The following MAGI2 variants were observed in gnomAD, a reference collection of about 807,000 sequenced individuals.
The protein encoded by MAGI2 is membrane-associated guanylate kinase, WW and PDZ domain-containing protein 2.
Under a neutral mutation model 133.3 loss-of-function variants are expected in MAGI2, and 35 were observed. The observed-to-expected ratio is 0.26, with a 90% CI of 0.20 to 0.35. The LOEUF (loss-of-function observed/expected upper bound fraction) is 0.35. Ranked by LOEUF, MAGI2 falls within the 10% of genes least tolerant of loss-of-function variation. The pLI, the probability that MAGI2 is intolerant of heterozygous loss-of-function variation, is 1.00. For synonymous variants in MAGI2, 729 were observed against 710.6 expected, an observed-to-expected ratio of 1.03 and a Z score of -0.41; for missense variants, 1,636 against 1,863.4, an observed-to-expected ratio of 0.88 and a Z score of 2.25.
chr7:78,510,064 C>T (rs1795436321), intron 4 of MAGI2, among the ~76,000 whole-genome samples: 1 of 152,032 alleles, frequency 6.6e-6, no homozygotes, highest in Admixed American at 6.6e-5. Context: ...GGCTGGAAAA[C>T]ATTTAAGCTG....
chr7:78,581,103 A>G (rs2150809548), intron 3 of MAGI2, among the ~76,000 whole-genome samples: 1 of 152,332 alleles, frequency 6.6e-6, no homozygotes, highest in South Asian at 2.1e-4. Context: ...ATGTAATTAT[A>G]CCATTTGAAA....
At chr7:78,454,287 C>G (rs140081833) in intron 6 of MAGI2, among the ~76,000 whole-genome samples, 105 of 152,288 alleles carry the variant, frequency 6.9e-4, no homozygotes, top group Middle Eastern at 3.4e-3. Flanking sequence ...TCCATAGACT[C>G]TACCAAGAAC....
intron 6 of MAGI2, among the ~76,000 whole-genome samples, chr7:78,379,163 G>A (rs1168470344): frequency 6.6e-6 from 1 of 151,808 alleles, no homozygotes; most frequent in East Asian, 1.9e-4. Flanking sequence ...ATAAAGTAGG[G>A]CACATAGAGA....
chr7:79,345,942 A>T (rs909831326), intron 1 of MAGI2, among the ~76,000 whole-genome samples: 2 of 152,070 alleles, frequency 1.3e-5, no homozygotes, highest in African/African-American at 4.8e-5. Context: ...AAATGTAAAA[A>T]TATTACCAAA....
intron 16 of MAGI2, among the ~76,000 whole-genome samples, chr7:78,158,974 C>T (rs1411788454): frequency 6.6e-6 from 1 of 151,962 alleles, no homozygotes; most frequent in East Asian, 1.9e-4. Context: ...GTCTGCCATC[C>T]CACCCAGGAA....
chr7:79,205,568 G>A (rs1828974939), intron 1 of MAGI2, among the ~76,000 whole-genome samples: 1 of 151,748 alleles, frequency 6.6e-6, no homozygotes, highest in Non-Finnish European at 1.5e-5. Context: ...ACTGGTAAAA[G>A]TAAGCACAAG....
intron 1 of MAGI2, among the ~76,000 whole-genome samples, chr7:79,287,910 A>G (rs1344548359): frequency 6.6e-6 from 1 of 151,946 alleles, no homozygotes; most frequent in Non-Finnish European, 1.5e-5. Context: ...CTTTTTTCTG[A>G]TTCTAGAAAT....
intron 10 of MAGI2, among the ~76,000 whole-genome samples, chr7:78,219,381 T>G (rs1788582728): frequency 6.6e-6 from 1 of 152,228 alleles, no homozygotes; most frequent in Admixed American, 6.5e-5. Context: ...ACTGTCTATC[T>G]GGACAGCTTA....
At chr7:78,430,452 A>G (rs1286451980) in intron 6 of MAGI2, among the ~76,000 whole-genome samples, 6 of 151,934 alleles carry the variant, frequency 3.9e-5, no homozygotes, top group Admixed American at 3.3e-4. Context: ...GTTAAGTAGT[A>G]TTCCAGGAAA....
chr7:78,675,508 T>C (rs1367214385), intron 2 of MAGI2, among the ~76,000 whole-genome samples: 1 of 152,082 alleles, frequency 6.6e-6, no homozygotes, highest in African/African-American at 2.4e-5. Context: ...GCTATTGGTT[T>C]GGATTGTTAC....
At chr7:79,338,845 C>CG (rs1563130590) in intron 1 of MAGI2, among the ~76,000 whole-genome samples, 3 of 152,086 alleles carry the variant, frequency 2.0e-5, no homozygotes, top group African/African-American at 7.2e-5. Flanking sequence ...TGTCAACCTA[C>CG]GGGGGGTACT....
chr7:79,298,961 G>C (rs1475203343), intron 1 of MAGI2, among the ~76,000 whole-genome samples: 1 of 152,160 alleles, frequency 6.6e-6, no homozygotes, highest in East Asian at 1.9e-4. Flanking sequence ...AAAATTGTGA[G>C]AAAATAAATT....
chr7:78,249,869 G>T (rs1003498442), intron 10 of MAGI2, among the ~76,000 whole-genome samples: 1 of 152,046 alleles, frequency 6.6e-6, no homozygotes, highest in African/African-American at 2.4e-5. Flanking sequence ...TCACCACAAA[G>T]AAATGATAAA....
At chr7:79,062,240 C>A (rs1813824797) in intron 1 of MAGI2, among the ~76,000 whole-genome samples, 1 of 152,082 alleles carries the variant, frequency 6.6e-6, no homozygotes, top group African/African-American at 2.4e-5. Context: ...ACAGCTCATA[C>A]CCCAAGTCCA....
At chr7:79,325,207 C>CT (rs1230806900) in intron 1 of MAGI2, among the ~76,000 whole-genome samples, 11 of 152,116 alleles carry the variant, frequency 7.2e-5, no homozygotes, top group Admixed American at 7.2e-4. Flanking sequence ...ACAACATAGA[C>CT]TTTAGCATGC....
intron 21 of MAGI2, among the ~76,000 whole-genome samples, chr7:78,041,962 A>T (rs1405856340): frequency 1.3e-5 from 2 of 152,190 alleles, no homozygotes; most frequent in African/African-American, 4.8e-5. Context: ...TGATAGACAC[A>T]GGGGTCTGCC....
intron 1 of MAGI2, among the ~76,000 whole-genome samples, chr7:79,232,308 A>C (rs1295755923): frequency 6.9e-6 from 1 of 145,328 alleles, no homozygotes; most frequent in Non-Finnish European, 1.5e-5. Flanking sequence ...CTGGCCTCAT[A>C]AAATGAGTTA....
chr7:78,095,469 T>C (rs1160581936), intron 20 of MAGI2, among the ~76,000 whole-genome samples: 3 of 152,212 alleles, frequency 2.0e-5, no homozygotes, highest in Non-Finnish European at 2.9e-5. Context: ...CTGGCTTCTC[T>C]AGAACTACCT....
chr7:78,273,779 C>T (rs572983684), intron 9 of MAGI2, among the ~76,000 whole-genome samples: 1 of 152,212 alleles, frequency 6.6e-6, no homozygotes, highest in South Asian at 2.1e-4. Context: ...TGTTTTTCAG[C>T]TCCATCAGGT....
Sources: allele counts gnomAD v4.1 joint callset (sites outside exome capture counted in the v4.1 genomes callset), GRCh38; gene constraint gnomAD v4.1.1; transcripts MANE v1.5; gene names NCBI Gene and HGNC (gene_info 2026-07-23, HGNC 2026-07-21).